SLCO2A1: variants seen among roughly 807,000 people sequenced by gnomAD.
SLCO2A1 encodes matrin F/G 1.
A neutral mutation model predicts 71.7 loss-of-function variants in SLCO2A1; 60 were observed. That is an observed-to-expected ratio of 0.84 (90% CI 0.68 to 1.04). The LOEUF is 1.04. Ranked by LOEUF, SLCO2A1 falls within the 50% of genes least tolerant of loss-of-function variation. The pLI, the probability that SLCO2A1 is intolerant of heterozygous loss-of-function variation, is 0.00. For missense variants in SLCO2A1, 745 were observed against 813.4 expected (o/e 0.92, Z 1.02); for synonymous variants, 308 against 326.7 (o/e 0.94, Z 0.62).
intron 1 of SLCO2A1, among the ~76,000 whole-genome samples, chr3:134,019,819 A>G (rs962926837): frequency 4.6e-5 from 7 of 152,160 alleles, no homozygotes; most frequent in African/African-American, 1.4e-4. Context: ...TCTGTCCAGC[A>G]ACAAGGAACC....
intron 7 of SLCO2A1, 40 bp downstream of exon 7, chr3:133,948,853 C>T (rs748596500): frequency 8.3e-5 from 133 of 1,604,620 alleles, no homozygotes; most frequent in African/African-American, 1.1e-4. Context: ...TCCCCTCCCC[C>T]GCACTGTGCC....
chr3:133,948,450 T>C lies in SLCO2A1; in HGVS notation c.1105+86A>G, dbSNP rs574366980. ...GACCCTGCCTATGTCCGGTCTGGCCTGCGCCCATCCCTGGATGGGTGGCTG... is the reference window on the plus strand; with the variant it reads ...GACCCTGCCTATGTCCGGTCTGGCCCGCGCCCATCCCTGGATGGGTGGCTG... On this transcript the variant is annotated intron_variant, in intron 8 of 13. Transcript: ENST00000310926. The C allele has an allele frequency of 3.5e-6, 5 of 1,411,884 alleles. No homozygotes were observed. The African/African-American group carries it at 5.7e-5, about 16-fold the overall frequency. The allele number at this position is 1,411,884 out of a possible 1,614,324, so 87.5% of individuals were successfully genotyped here.
At chr3:133,958,370 G>A (rs1933943882) in intron 3 of SLCO2A1, among the ~76,000 whole-genome samples, 1 of 152,190 alleles carries the variant, frequency 6.6e-6, no homozygotes, top group Non-Finnish European at 1.5e-5. Context: ...GGATCTGGTG[G>A]GCAGAGTGTT....
intron 6 of SLCO2A1, chr3:133,949,333 G>A (rs1933675116): frequency 7.6e-6 from 2 of 262,976 alleles, no homozygotes; most frequent in Admixed American, 4.9e-5. Flanking sequence ...TCAGATTCCA[G>A]GGGATACTGG....
chr3:133,980,371 A>G (rs1340421731), intron 1 of SLCO2A1, among the ~76,000 whole-genome samples: 10 of 152,206 alleles, frequency 6.6e-5, no homozygotes, highest in Admixed American at 5.2e-4. Flanking sequence ...TGGGGTACTG[A>G]GTAAATGTGA....
At chr3:133,945,296 G>C in intron 9 of SLCO2A1, 36 bp from the exon 10 acceptor site, 1 of 1,575,020 alleles carries the variant, frequency 6.3e-7, no homozygotes, top group Non-Finnish European at 8.6e-7. Flanking sequence ...ATCAAACAAA[G>C]CAAGACCAAA....
At chr3:133,961,467 AT>A (rs1559936870) in intron 3 of SLCO2A1, among the ~76,000 whole-genome samples, 2 of 152,126 alleles carry the variant, frequency 1.3e-5, no homozygotes, top group Non-Finnish European at 2.9e-5. Context: ...TAGCAAAATC[AT>A]TTTTTGCAAG....
intron 1 of SLCO2A1, among the ~76,000 whole-genome samples, chr3:134,014,697 C>A (rs572601009): frequency 6.6e-6 from 1 of 152,172 alleles, no homozygotes; most frequent in Admixed American, 6.5e-5. Context: ...GAGCTCAGGC[C>A]CAAATGCTGG....
chr3:133,968,869 C>T (rs554000639), intron 3 of SLCO2A1, among the ~76,000 whole-genome samples: 30 of 152,322 alleles, frequency 2.0e-4, no homozygotes, highest in African/African-American at 6.3e-4. Flanking sequence ...GGTACATTTC[C>T]GGACCCCACT....
chr3:133,952,052 G>A (rs1267142000), intron 5 of SLCO2A1, among the ~76,000 whole-genome samples: 2 of 152,136 alleles, frequency 1.3e-5, no homozygotes, highest in Non-Finnish European at 2.9e-5. Flanking sequence ...GAAACTATCC[G>A]GGCATAAAGG....
In SLCO2A1 at chr3:133,934,544, T is replaced by A. The variant is rs1361919904; in HGVS notation, c.*169A>T. ...CGGGTACACAGTGGCCCTTAGGAAC[T>A]GTGGGGAGGACTCTGGGAGGAAGAG... On this transcript the variant is annotated 3_prime_UTR_variant, in exon 14 of 14. Coordinates refer to ENST00000310926, the MANE Select transcript of SLCO2A1 (RefSeq NM_005630.3). 1.8e-6 allele frequency: 1 copy of A among 555,106 alleles called. No individual in the cohort carries two copies. The highest frequency in any genetic ancestry group is 3.2e-5 in the East Asian group (1 of 31,268). 34.4% of individuals were successfully genotyped at this position (555,106 alleles called of 1,614,324 possible).
chr3:133,986,370 T>TTG (rs1247904796), intron 1 of SLCO2A1, among the ~76,000 whole-genome samples: 5 of 152,170 alleles, frequency 3.3e-5, no homozygotes, highest in Admixed American at 1.3e-4. Flanking sequence ...ATATCTAGGT[T>TTG]TGTGTGTGTG....
At chr3:133,942,572 C>T in intron 11 of SLCO2A1, 33 bp downstream of exon 11, 1 of 1,569,092 alleles carries the variant, frequency 6.4e-7, no homozygotes, top group Non-Finnish European at 8.6e-7. Flanking sequence ...AAGGAGAAGC[C>T]ACGCCCCAGA....
At chr3:134,012,963 T>G (rs1160121728) in intron 1 of SLCO2A1, among the ~76,000 whole-genome samples, 1 of 152,198 alleles carries the variant, frequency 6.6e-6, no homozygotes, top group African/African-American at 2.4e-5. Context: ...GTTTCAAAAC[T>G]GAAAGTCTGG....
intron 1 of SLCO2A1, among the ~76,000 whole-genome samples, chr3:134,019,763 T>C (rs150592705): frequency 1.3e-3 from 198 of 152,206 alleles, no homozygotes; most frequent in Admixed American, 2.4e-3. Context: ...CCCTAAACTA[T>C]ATGGTATGTG....
intron 1 of SLCO2A1, among the ~76,000 whole-genome samples, chr3:134,020,469 C>T (rs1333671186): frequency 2.6e-5 from 4 of 152,200 alleles, no homozygotes; most frequent in East Asian, 1.9e-4. Context: ...ATCCTGAGAG[C>T]GCTCAGGGGT....
At chr3:133,994,760 C>T (rs926630315) in intron 1 of SLCO2A1, among the ~76,000 whole-genome samples, 2 of 152,170 alleles carry the variant, frequency 1.3e-5, no homozygotes, top group Non-Finnish European at 2.9e-5. Flanking sequence ...CAAATCCATG[C>T]CCCCAACCAT....
chr3:133,953,602 G>T, intron 5 of SLCO2A1, 61 bp downstream of exon 5: 1 of 1,320,610 alleles, frequency 7.6e-7, no homozygotes, highest in Non-Finnish European at 1.1e-6. Context: ...ATTGGATGAG[G>T]GGGCTGGGGG....
intron 1 of SLCO2A1, among the ~76,000 whole-genome samples, chr3:134,028,902 A>G (rs1418047431): frequency 2.0e-5 from 3 of 152,190 alleles, no homozygotes; most frequent in Non-Finnish European, 4.4e-5. Flanking sequence ...GAGGGAGTGG[A>G]AAGCATTTCC....
Sources: allele counts gnomAD v4.1 joint callset (sites outside exome capture counted in the v4.1 genomes callset), GRCh38; gene constraint gnomAD v4.1.1; transcripts MANE v1.5; gene names NCBI Gene and HGNC (gene_info 2026-07-23, HGNC 2026-07-21).